Variants in AFF3 observed in about 807,000 individuals in gnomAD.
AFF3 encodes the protein ALF transcription elongation factor 3, also known as AF4/FMR2 family member 3.
A neutral mutation model predicts 129.7 loss-of-function variants in AFF3; 32 were observed. The observed-to-expected ratio is 0.25, with a 90% CI of 0.19 to 0.33. AFF3 has a LOEUF of 0.33. Among genes scored for constraint, AFF3 ranks in the 10% least tolerant of loss-of-function variants. AFF3 has a pLI of 1.00. For synonymous variants in AFF3, 644 were observed against 635.4 expected, an observed-to-expected ratio of 1.01 and a Z score of -0.20; for missense variants, 1,373 against 1,592.0, an observed-to-expected ratio of 0.86 and a Z score of 2.34.
intron 7 of AFF3, among the ~76,000 whole-genome samples, chr2:99,887,526 T>C (rs1693205206): frequency 6.6e-6 from 1 of 152,228 alleles, no homozygotes; most frequent in South Asian, 2.1e-4. Flanking sequence ...ATAGTATTAC[T>C]AGGAATGTAG....
At chr2:99,686,152 T>A (rs1675036999) in intron 11 of AFF3, among the ~76,000 whole-genome samples, 1 of 152,114 alleles carries the variant, frequency 6.6e-6, no homozygotes. Flanking sequence ...ATTGCGCCAC[T>A]GCACTCCAGC....
chr2:99,681,012 C>T (rs992457902), intron 11 of AFF3, among the ~76,000 whole-genome samples: 12 of 152,198 alleles, frequency 7.9e-5, no homozygotes, highest in Admixed American at 4.6e-4. Context: ...TCCACTCCAA[C>T]CCCATATTCT....
At chr2:99,672,175 T>TACACACACACACACAC (rs1558728727) in intron 12 of AFF3, among the ~76,000 whole-genome samples, 1 of 139,512 alleles carries the variant, frequency 7.2e-6, no homozygotes, top group East Asian at 2.1e-4. Flanking sequence ...GCCAGTTAGC[T>TACACACACACACACAC]TCTCACACAC....
intron 7 of AFF3, among the ~76,000 whole-genome samples, chr2:99,950,867 A>T (rs1321263545): frequency 6.6e-6 from 1 of 152,218 alleles, no homozygotes; most frequent in Non-Finnish European, 1.5e-5. Context: ...TAGACAGAAA[A>T]CTGAAGTTGA....
chr2:99,754,710 G>C (rs565589604), intron 8 of AFF3, among the ~76,000 whole-genome samples: 2 of 152,324 alleles, frequency 1.3e-5, no homozygotes, highest in African/African-American at 4.8e-5. Flanking sequence ...TTATCCAAGA[G>C]TGGAATAGCA....
chr2:99,764,202 T>C (rs1558827701), intron 8 of AFF3, among the ~76,000 whole-genome samples: 1 of 152,208 alleles, frequency 6.6e-6, no homozygotes, highest in Non-Finnish European at 1.5e-5. Flanking sequence ...CTTTCATTAC[T>C]TCCTTTGCAT....
At chr2:100,106,998 A>C (rs920594766) in intron 2 of AFF3, 1 of 985,326 alleles carries the variant, frequency 1.0e-6, no homozygotes, top group Non-Finnish European at 1.2e-6. Context: ...GCCTTGTGTT[A>C]ATATATGAGA....
intron 13 of AFF3, among the ~76,000 whole-genome samples, chr2:99,610,974 C>A (rs1000009116): frequency 1.3e-5 from 2 of 152,148 alleles, no homozygotes; most frequent in Non-Finnish European, 2.9e-5. Flanking sequence ...GGGCTCTGTC[C>A]TTCTCTACCC....
chr2:99,909,612 A>T lies in AFF3; in HGVS notation c.874-72088T>A, dbSNP rs181542952. Among the ~76,000 whole-genome samples, 394 of 136,364 alleles carry T rather than the reference A, an allele frequency of 2.9e-3. 1 individual carries two copies. The highest frequency in any genetic ancestry group is 0.013 in the African/African-American group (375 of 29,370). The allele number at this position is 136,364 out of a possible 152,430, so 89.5% of individuals were successfully genotyped here. ...CTAAAACTTAAAGTATAATAATAATAAAAAAAAAAGAAAAGAAAAAAGAAA... is the reference window on the plus strand; with the variant it reads ...CTAAAACTTAAAGTATAATAATAATTAAAAAAAAAGAAAAGAAAAAAGAAA... On this transcript the variant is annotated intron_variant, in intron 7 of 24. Transcript: ENST00000672756.
chr2:99,946,310 C>A (rs1383212394), intron 7 of AFF3, among the ~76,000 whole-genome samples: 3 of 151,486 alleles, frequency 2.0e-5, no homozygotes, highest in Non-Finnish European at 4.4e-5. Flanking sequence ...CCCATCTCTA[C>A]TAAAAATACA....
chr2:99,750,441 G>C (rs560642759), intron 9 of AFF3, among the ~76,000 whole-genome samples: 1 of 133,418 alleles, frequency 7.5e-6, no homozygotes, highest in Non-Finnish European at 1.5e-5. Flanking sequence ...TTGAGACAGC[G>C]TCGTGCTCTG....
At chr2:99,839,032 C>G (rs1689109943) in intron 7 of AFF3, among the ~76,000 whole-genome samples, 1 of 152,188 alleles carries the variant, frequency 6.6e-6, no homozygotes, top group Non-Finnish European at 1.5e-5. Flanking sequence ...GGGGATTTAT[C>G]CAAGTCTCCC....
intron 16 of AFF3, among the ~76,000 whole-genome samples, chr2:99,584,709 A>C (rs1209119121): frequency 1.3e-5 from 2 of 152,212 alleles, no homozygotes. Context: ...AGTTTGAAAT[A>C]AACTCAGTCA....
chr2:99,892,901 C>A (rs779866308), intron 7 of AFF3, among the ~76,000 whole-genome samples: 1 of 152,090 alleles, frequency 6.6e-6, no homozygotes, highest in Non-Finnish European at 1.5e-5. Context: ...CCTCCCAGCT[C>A]GTGGTGGGGC....
At chr2:100,062,992 C>T (rs900701553) in intron 4 of AFF3, among the ~76,000 whole-genome samples, 1 of 151,630 alleles carries the variant, frequency 6.6e-6, no homozygotes, top group Admixed American at 6.6e-5. Context: ...GGCTCACGAC[C>T]GTAATCCCAC....
At chr2:99,658,224 T>G (rs1195420329) in intron 12 of AFF3, among the ~76,000 whole-genome samples, 1 of 152,170 alleles carries the variant, frequency 6.6e-6, no homozygotes, top group African/African-American at 2.4e-5. Context: ...CATGGCACCC[T>G]GCAGGGCAGG....
intron 7 of AFF3, among the ~76,000 whole-genome samples, chr2:99,980,547 T>C (rs1432351158): frequency 1.3e-5 from 2 of 152,254 alleles, no homozygotes; most frequent in African/African-American, 4.8e-5. Context: ...TGCTTTTCTT[T>C]TCCTGATTCC....
intron 18 of AFF3, among the ~76,000 whole-genome samples, chr2:99,569,650 G>C (rs1676297112): frequency 6.6e-6 from 1 of 152,178 alleles, no homozygotes; most frequent in Non-Finnish European, 1.5e-5. Flanking sequence ...ATTTGAGTGT[G>C]TGTAATGAGG....
At chr2:99,797,535 T>C (rs759910327) in intron 8 of AFF3, among the ~76,000 whole-genome samples, 15 of 152,060 alleles carry the variant, frequency 9.9e-5, no homozygotes, top group Non-Finnish European at 1.5e-4. Context: ...AACAAAACTG[T>C]AACATTTGAT....
Sources: allele counts gnomAD v4.1 joint callset (sites outside exome capture counted in the v4.1 genomes callset), GRCh38; gene constraint gnomAD v4.1.1; transcripts MANE v1.5; gene names NCBI Gene and HGNC (gene_info 2026-07-23, HGNC 2026-07-21).